DAGLA: variants seen among roughly 807,000 people sequenced by gnomAD.
DAGLA encodes diacylglycerol lipase-alpha.
In DAGLA, 22 loss-of-function variants were observed where a neutral mutation model predicts 102.6. The observed-to-expected ratio is 0.21, with a 90% CI of 0.15 to 0.31. The LOEUF is 0.31. Among genes scored for constraint, DAGLA ranks in the 10% least tolerant of loss-of-function variants. The pLI, the probability that DAGLA is intolerant of heterozygous loss-of-function variation, is 1.00. For synonymous variants in DAGLA, 578 were observed against 628.9 expected, an observed-to-expected ratio of 0.92 and a Z score of 1.21; for missense variants, 927 against 1,446.6, an observed-to-expected ratio of 0.64 and a Z score of 5.83.
chr11:61,731,156 G>A (rs1299098191), intron 8 of DAGLA, among the ~76,000 whole-genome samples, 161 bp from the exon 9 acceptor site: 1 of 152,216 alleles, frequency 6.6e-6, no homozygotes, highest in Admixed American at 6.5e-5. Flanking sequence ...CTGGAGGAGT[G>A]TCCTTCCTCC....
intron 1 of DAGLA, among the ~76,000 whole-genome samples, chr11:61,701,916 A>G (rs1315901105): frequency 6.6e-6 from 1 of 152,106 alleles, no homozygotes; most frequent in African/African-American, 2.4e-5. Flanking sequence ...CTAGGACTAC[A>G]GGCATGTGCC....
chr11:61,706,076 T>A (rs2065147036), intron 1 of DAGLA, among the ~76,000 whole-genome samples: 1 of 152,246 alleles, frequency 6.6e-6, no homozygotes, highest in Non-Finnish European at 1.5e-5. Context: ...AGGACTCATC[T>A]GAGCAACTGC....
intron 6 of DAGLA, 100 bp from the exon 7 acceptor site, chr11:61,728,053 C>A: frequency 7.1e-7 from 1 of 1,418,306 alleles, no homozygotes; most frequent in Non-Finnish European, 9.8e-7. Flanking sequence ...CGAGCAGACA[C>A]CTGCTTCTGC....
intron 8 of DAGLA, among the ~76,000 whole-genome samples, chr11:61,730,911 C>T (rs1187294953): frequency 2.0e-5 from 3 of 152,222 alleles, no homozygotes; most frequent in Admixed American, 2.0e-4. Context: ...AGGGCTGGGG[C>T]CTCTCAGGGC....
chr11:61,703,385 A>G (rs1446024209), intron 1 of DAGLA, among the ~76,000 whole-genome samples: 3 of 129,660 alleles, frequency 2.3e-5, no homozygotes, highest in African/African-American at 8.7e-5. Context: ...CCAGGAGGGG[A>G]TGTTTGAGCT....
chr11:61,683,545 C>T (rs2064961895), intron 1 of DAGLA, among the ~76,000 whole-genome samples: 1 of 152,200 alleles, frequency 6.6e-6, no homozygotes, highest in South Asian at 2.1e-4. Context: ...GTCTCCTCAG[C>T]TCACCCTCCA....
intron 1 of DAGLA, among the ~76,000 whole-genome samples, chr11:61,709,516 A>G (rs1274682975): frequency 6.6e-6 from 1 of 152,162 alleles, no homozygotes; most frequent in African/African-American, 2.4e-5. Flanking sequence ...CATTGCCTGC[A>G]AGCCCACTGA....
At position 61,684,482 on chromosome 11, in the gene DAGLA, G is replaced by GT. The variant is rs2064970435; in HGVS notation, c.-45+3978_-45+3979insT. ...GAAGCGTGAGTGTGGGTGTGGACGT[G>GT]GGTTGTGTGTGTGGGCAGGAAAGAC... On this transcript the variant is annotated intron_variant, in intron 1 of 19. Coordinates refer to ENST00000257215, the MANE Select transcript of DAGLA (RefSeq NM_006133.3). The surrounding 1 kb of genome is among the most constrained non-coding windows in gnomAD (Gnocchi z 4.5). Among the ~76,000 whole-genome samples the GT allele has an allele frequency of 6.6e-6, 1 of 152,124 alleles. No homozygotes were observed. Among genetic ancestry groups the GT allele is most frequent in the Non-Finnish European group, 1.5e-5 (1 of 68,036 alleles).
chr11:61,723,463 C>T lies in DAGLA; in HGVS notation c.439C>T (p.Leu147Phe), dbSNP rs1457599826. ...GMVVCNWVVI[L>F]SVCITVLCVF... ...GGTTGTCTGCAACTGGGTAGTCATC[C>T]TCAGTGTGTGCATCACTGTCCTCTG... is the stretch of plus-strand genomic sequence containing the variant. The change falls in exon 5 of 20, where the codon CTC becomes TTC. Residue 147 changes from leucine to phenylalanine, a missense_variant. Physicochemically the swap from Leu to Phe is conservative, Grantham distance 22 (BLOSUM62 0). Around this residue, in one of 4 missense-constraint regions of DAGLA, gnomAD observed 231 missense variants for 439.8 expected, o/e 0.53. Transcript: ENST00000257215. The T allele has an allele frequency of 6.2e-7, 1 of 1,613,978 alleles. No individual in the cohort carries two copies. The highest frequency in any genetic ancestry group is 1.1e-5 in the South Asian group (1 of 91,070).
At position 61,728,218 on chromosome 11, in the gene DAGLA, C is replaced by T. The variant is rs146061723; in HGVS notation, c.702C>T (p.Ser234=). 71 of 1,614,000 alleles carry T rather than the reference C, an allele frequency of 4.4e-5. No homozygotes were observed. Among genetic ancestry groups the T allele is most frequent in the South Asian group, 1.3e-4 (12 of 91,084 alleles). The change falls in exon 7 of 20, where the codon TCC becomes TCT. Residue 234 remains serine (S), a synonymous_variant. Transcript: ENST00000257215. ...TCCGGGACCTTGACATTGTGCCATCCGACATCATTGCTGGCCTGGTGCTGC... is the reference window on the plus strand; with the variant it reads ...TCCGGGACCTTGACATTGTGCCATCTGACATCATTGCTGGCCTGGTGCTGC... The part of the protein sequence containing the change: ...EFFRDLDIVP[S]DIIAGLVLLR...
intron 6 of DAGLA, 73 bp downstream of exon 6, chr11:61,726,155 T>C: frequency 6.9e-7 from 1 of 1,441,396 alleles, no homozygotes; most frequent in Non-Finnish European, 9.7e-7. Context: ...TTGGCTCCTT[T>C]GGCAAAGCAG....
chr11:61,727,664 G>A (rs1296328468), intron 6 of DAGLA, among the ~76,000 whole-genome samples: 1 of 152,226 alleles, frequency 6.6e-6, no homozygotes, highest in Admixed American at 6.5e-5. Context: ...AGCAGCCTGT[G>A]GGTAGCTGGG....
intron 1 of DAGLA, among the ~76,000 whole-genome samples, chr11:61,682,346 C>T (rs927635516): frequency 3.9e-5 from 6 of 151,972 alleles, no homozygotes; most frequent in African/African-American, 1.5e-4. Context: ...AATGGTGGCA[C>T]GGGATGTGAT....
At chr11:61,732,908 G>C (rs942190036) in intron 9 of DAGLA, among the ~76,000 whole-genome samples, 3 of 152,150 alleles carry the variant, frequency 2.0e-5, no homozygotes, top group Non-Finnish European at 4.4e-5. Flanking sequence ...CCTGCTTCTG[G>C]CTTGGCCCTA....
rs915449463 is a variant in DAGLA at position 61,686,368 on chromosome 11, C to T, written c.-45+5864C>T. 1.1e-4 allele frequency among the ~76,000 whole-genome samples: 16 copies of T among 152,164 alleles called. No homozygotes were observed. Among genetic ancestry groups the T allele is most frequent in the Admixed American group, 2.0e-4 (3 of 15,282 alleles). ...AGGCTTTCAGGGCTGCCCTCGAGGCCGTTCCCATCCCTGAGGACCCACTGA... is the reference window on the plus strand; with the variant it reads ...AGGCTTTCAGGGCTGCCCTCGAGGCTGTTCCCATCCCTGAGGACCCACTGA... On this transcript the variant is annotated intron_variant, in intron 1 of 19. Coordinates refer to ENST00000257215, the MANE Select transcript of DAGLA (RefSeq NM_006133.3). This position sits in a 1 kb window ranked among gnomAD's most constrained non-coding sequence, Gnocchi z 5.2.
At chr11:61,739,864 C>A (rs991834721) in intron 17 of DAGLA, among the ~76,000 whole-genome samples, 1 of 152,196 alleles carries the variant, frequency 6.6e-6, no homozygotes, top group Non-Finnish European at 1.5e-5. Flanking sequence ...GGACTCCAGG[C>A]GTCTCTCTCC....
intron 1 of DAGLA, among the ~76,000 whole-genome samples, chr11:61,719,722 G>C (rs1335885470): frequency 6.6e-6 from 1 of 152,234 alleles, no homozygotes; most frequent in Non-Finnish European, 1.5e-5. Flanking sequence ...TTGACTCCAA[G>C]GACAGTGTGC....
At chr11:61,738,099 G>T in intron 15 of DAGLA, 36 bp from the exon 16 acceptor site, 1 of 1,582,978 alleles carries the variant, frequency 6.3e-7, no homozygotes, top group Non-Finnish European at 8.7e-7. Context: ...CCGCTGACCA[G>T]GCCTGGCTGA....
chr11:61,720,576 C>T, intron 2 of DAGLA, 103 bp from the exon 3 acceptor site: 3 of 1,083,464 alleles, frequency 2.8e-6, no homozygotes, highest in Non-Finnish European at 4.1e-6. Flanking sequence ...CTGCTGCCAG[C>T]CCTCCTTCCA....
Sources: gnomAD v4.1 joint callset for allele counts (sites outside exome capture counted in the v4.1 genomes callset) on GRCh38, gnomAD v4.1.1 for gene constraint, gnomAD v4.1.1 regional missense constraint, Gnocchi (gnomAD v3.1) non-coding constraint, MANE v1.5 for transcripts, NCBI Gene and HGNC (gene_info 2026-07-23, HGNC 2026-07-21) for gene names.